The following CERS4 variants were observed in gnomAD, a reference collection of about 807,000 sequenced individuals.
The protein encoded by CERS4 is ceramide synthase 4, also known as LAG1 homolog, ceramide synthase 4.
In CERS4, 65 loss-of-function variants were observed where a neutral mutation model predicts 51.8. That is an observed-to-expected ratio of 1.26 (90% CI 1.03 to 1.54). CERS4 has a LOEUF of 1.54. CERS4 is among the 40% of genes most tolerant of loss of function. The pLI is 0.00. For missense variants in CERS4, 563 were observed against 500.4 expected, an observed-to-expected ratio of 1.13 and a Z score of -1.19; for synonymous variants, 228 against 208.4, an observed-to-expected ratio of 1.09 and a Z score of -0.81.
At chr19:8,253,259 G>T (rs1027476267) in intron 3 of CERS4, among the ~76,000 whole-genome samples, 1 of 152,210 alleles carries the variant, frequency 6.6e-6, no homozygotes, top group Non-Finnish European at 1.5e-5. Flanking sequence ...GGAGGGGCTT[G>T]GAGCGGGAAC....
intron 2 of CERS4, among the ~76,000 whole-genome samples, chr19:8,223,936 TA>T (rs1311992166): frequency 1.3e-5 from 2 of 148,174 alleles, no homozygotes; most frequent in African/African-American, 5.0e-5. Context: ...CCGTCTCTAC[TA>T]AAAATACAAA....
chr19:8,250,821 G>T, intron 2 of CERS4: 1 of 1,247,858 alleles, frequency 8.0e-7, no homozygotes, highest in Non-Finnish European at 1.0e-6. Context: ...AGGACACACA[G>T]CCCAACTCTG....
At position 8,257,823 on chromosome 19, in the gene CERS4, C is replaced by G. The variant is rs1969476098; in HGVS notation, c.742-56C>G. 7.9e-6 allele frequency: 11 copies of G among 1,386,622 alleles called. No individual in the cohort carries two copies. In the South Asian group the frequency reaches 1.2e-4, roughly 15 times the overall value. The allele number at this position is 1,386,622 out of a possible 1,614,324, so 85.9% of individuals were successfully genotyped here. On this transcript the variant is annotated intron_variant, in intron 9 of 11. Transcript: ENST00000251363. ...ACCTGGTCCCATCCTATAGCACCTTCTCTTTGAGACCAGGGCCCTGGTCCT... is the reference window on the plus strand; with the variant it reads ...ACCTGGTCCCATCCTATAGCACCTTGTCTTTGAGACCAGGGCCCTGGTCCT...
chr19:8,227,607 G>A (rs1201947532), intron 2 of CERS4, among the ~76,000 whole-genome samples: 1 of 152,002 alleles, frequency 6.6e-6, no homozygotes, highest in African/African-American at 2.4e-5. Flanking sequence ...CTCCCAAAGT[G>A]CTCGGCTTAC....
chr19:8,251,881 G>A (rs7255870), intron 3 of CERS4, among the ~76,000 whole-genome samples: 5,467 of 151,920 alleles, frequency 0.036, 224 homozygotes, highest in East Asian at 0.12. Flanking sequence ...TGGGGTGGGC[G>A]GAGGGTTTTC....
chr19:8,233,256 C>T (rs1476413755), intron 2 of CERS4, among the ~76,000 whole-genome samples: 1 of 151,890 alleles, frequency 6.6e-6, no homozygotes, highest in Non-Finnish European at 1.5e-5. Context: ...ACTTCCGCCT[C>T]CCAGGTTCAA....
rs763058950 is a variant in CERS4 at position 8,255,841 on chromosome 19, C to T, written c.430C>T (p.Leu144=). The change falls in exon 6 of 12, where the codon CTG becomes TTG. Residue 144 remains leucine (L), a synonymous_variant. Transcript: ENST00000251363. The part of the protein sequence containing the change: ...CEASWRFLFY[L]SSFVGGLSVL... ...CCACAGCTGGAGGTTTCTCTTCTAC[C>T]TGTCCTCCTTCGTGGGCGGCCTCTC... 3 of 1,613,902 alleles carry T rather than the reference C, an allele frequency of 1.9e-6. No individual in the cohort carries two copies. The highest frequency in any genetic ancestry group is 2.7e-5 in the African/African-American group (2 of 74,912).
At chr19:8,251,459 T>G (rs571766627) in intron 3 of CERS4, among the ~76,000 whole-genome samples, 1 of 152,160 alleles carries the variant, frequency 6.6e-6, no homozygotes, top group Admixed American at 6.5e-5. Flanking sequence ...CTGCAGCTGG[T>G]TTATAGGAAC....
At chr19:8,261,359 A>AG (rs1234994938) in intron 10 of CERS4, 83 of 303,190 alleles carry the variant, frequency 2.7e-4, no homozygotes, top group African/African-American at 1.7e-3. Flanking sequence ...CCTGCTGATG[A>AG]AGGGGAGGTG....
intron 2 of CERS4, among the ~76,000 whole-genome samples, chr19:8,238,315 A>G (rs11666229): frequency 0.55 from 83,514 of 151,590 alleles, 23,270 homozygotes; most frequent in African/African-American, 0.63. Context: ...TGGGGAGGGG[A>G]CTCTGCCTAG....
At position 8,231,851 on chromosome 19, in the gene CERS4, A is replaced by ATTTTTTTTTTTTTTTTTT. The variant is rs3042169; in HGVS notation, c.-1-19220_-1-19203dup. Among the ~76,000 whole-genome samples the ATTTTTTTTTTTTTTTTTT allele has an allele frequency of 3.0e-4, 31 of 104,406 alleles. 2 individuals carry two copies. Among genetic ancestry groups the ATTTTTTTTTTTTTTTTTT allele is most frequent in the South Asian group, 1.6e-3 (5 of 3,170 alleles). 68.5% of individuals were successfully genotyped at this position (104,406 alleles called of 152,430 possible). On this transcript the variant is annotated intron_variant, in intron 2 of 11. Coordinates refer to ENST00000251363, the MANE Select transcript of CERS4 (RefSeq NM_024552.3). ...ACAAGCATGAGGCACTGTGCCCAGCATTTTTTTTTTTTTTTTTTTTTTAGA... is the reference window on the plus strand; with the variant it reads ...ACAAGCATGAGGCACTGTGCCCAGCATTTTTTTTTTTTTTTTTTTTTTTTTTTTTTTTTTTTTTTTAGA...
rs3042169 is a variant in CERS4 at position 8,231,851 on chromosome 19, ATTTTT to A, written c.-1-19207_-1-19203del. ...ACAAGCATGAGGCACTGTGCCCAGC[ATTTTT>A]TTTTTTTTTTTTTTTTTAGAGACAG... On this transcript the variant is annotated intron_variant, in intron 2 of 11. Transcript: ENST00000251363. Among the ~76,000 whole-genome samples the A allele has an allele frequency of 2.8e-3, 289 of 104,394 alleles. 2 individuals carry two copies. Among genetic ancestry groups the A allele is most frequent in the African/African-American group, 0.011 (256 of 24,006 alleles). The allele number at this position is 104,394 out of a possible 152,430, so 68.5% of individuals were successfully genotyped here.
intron 8 of CERS4, 116 bp from the exon 9 acceptor site, chr19:8,256,833 G>A: frequency 6.3e-7 from 1 of 1,584,702 alleles, no homozygotes; most frequent in Non-Finnish European, 8.6e-7. Flanking sequence ...GAGATATAGA[G>A]GCCATGGGCC....
At chr19:8,238,878 G>A (rs1419241395) in intron 2 of CERS4, among the ~76,000 whole-genome samples, 2 of 152,016 alleles carry the variant, frequency 1.3e-5, no homozygotes, top group African/African-American at 4.8e-5. Flanking sequence ...GTGGGAGAAT[G>A]GCTCAAGACC....
chr19:8,257,085 C>T lies in CERS4; in HGVS notation c.741+8C>T, dbSNP rs36248. On this transcript the variant is annotated splice_region_variant and intron_variant, in intron 9 of 11. Transcript: ENST00000251363. ...TCTGACTACCTGCTGGAGGTGGGCC[C>T]GACCCCTGCCTGACCCTTCCCAGCT... is the stretch of plus-strand genomic sequence containing the variant. 0.22 allele frequency: 356,049 copies of T among 1,586,278 alleles called. 41,767 individuals are homozygous for T. Among genetic ancestry groups the T allele is most frequent in the South Asian group, 0.35 (29,810 of 86,256 alleles).
At chr19:8,235,497 T>A (rs1968209622) in intron 2 of CERS4, among the ~76,000 whole-genome samples, 1 of 151,322 alleles carries the variant, frequency 6.6e-6, no homozygotes, top group Non-Finnish European at 1.5e-5. Context: ...TCCCAGCACT[T>A]TGGGAGGCCG....
chr19:8,244,249 G>C (rs1224619514), intron 2 of CERS4, among the ~76,000 whole-genome samples: 1 of 152,142 alleles, frequency 6.6e-6, no homozygotes, highest in African/African-American at 2.4e-5. Context: ...CCAGCTACTC[G>C]GGAGGCTGAG....
chr19:8,214,200 C>T (rs1568494246), intron 2 of CERS4, among the ~76,000 whole-genome samples: 1 of 152,094 alleles, frequency 6.6e-6, no homozygotes, highest in African/African-American at 2.4e-5. Context: ...ATCAGCTATG[C>T]CCTGGGGACC....
In CERS4 at chr19:8,259,890, CGA is replaced by C. The variant is rs1438258305; in HGVS notation, c.849-1792_849-1791del. Among the ~76,000 whole-genome samples the C allele has an allele frequency of 2.6e-5, 4 of 151,996 alleles. No homozygotes were observed. In the East Asian group the frequency reaches 7.7e-4, roughly 29 times the overall value. On this transcript the variant is annotated intron_variant, in intron 10 of 11. Coordinates refer to ENST00000251363, the MANE Select transcript of CERS4 (RefSeq NM_024552.3). ...CTCGGGCTTCCTGATGTTTGCAGGT[CGA>C]GAGAGGAAGAACAGGGCCCATGGAG...
Sources: allele counts gnomAD v4.1 joint callset (sites outside exome capture counted in the v4.1 genomes callset), GRCh38; gene constraint gnomAD v4.1.1; transcripts MANE v1.5; gene names NCBI Gene and HGNC (gene_info 2026-07-23, HGNC 2026-07-21).